GYPC: variants seen among roughly 807,000 people sequenced by gnomAD.
GYPC encodes glycophorin C (Gerbich blood group).
A neutral mutation model predicts 12.6 loss-of-function variants in GYPC; 14 were observed. The ratio of observed to expected loss-of-function variants is 1.11; its 90% CI spans 0.74 to 1.74. The LOEUF (loss-of-function observed/expected upper bound fraction) is 1.74. Ranked by LOEUF, GYPC falls within the 40% of genes most tolerant of loss-of-function variation. The pLI is 0.00. For synonymous variants in GYPC, 78 were observed against 62.1 expected (o/e 1.26, Z -1.20); for missense variants, 225 against 172.1 (o/e 1.31, Z -1.72).
intron 1 of GYPC, chr2:126,678,477 T>A (rs1452894033): frequency 6.6e-6 from 1 of 152,198 alleles, no homozygotes; most frequent in Non-Finnish European, 1.5e-5. Context: ...TGCCTCTGGC[T>A]CATACAGAGC....
At position 126,656,172 on chromosome 2, in the gene GYPC, G is replaced by C; in HGVS notation, c.-92G>C. 6.6e-7 allele frequency: 1 copy of C among 1,511,078 alleles called. No homozygotes were observed. Among genetic ancestry groups the C allele is most frequent in the Non-Finnish European group, 8.9e-7 (1 of 1,128,134 alleles). The allele number at this position is 1,511,078 out of a possible 1,614,324, so 93.6% of individuals were successfully genotyped here. On this transcript the variant is annotated 5_prime_UTR_variant, in exon 1 of 4. Transcript: ENST00000259254. Reference sequence around the variant, plus strand: ...AGGTGCCGCTTCCTCTCGCCGCCGAGGGTCAGGAGCCCGGGAGCGCGACCC... The same window carrying C: ...AGGTGCCGCTTCCTCTCGCCGCCGACGGTCAGGAGCCCGGGAGCGCGACCC...
chr2:126,678,083 C>T (rs1405634291), intron 1 of GYPC, among the ~76,000 whole-genome samples: 5 of 151,976 alleles, frequency 3.3e-5, no homozygotes, highest in African/African-American at 1.2e-4. Flanking sequence ...TTAGCCGGCC[C>T]TGGTGGCACG....
intron 1 of GYPC, among the ~76,000 whole-genome samples, chr2:126,677,495 G>GTGTT (rs1683032244): frequency 6.7e-6 from 1 of 149,756 alleles, no homozygotes; most frequent in African/African-American, 2.5e-5. Flanking sequence ...GAGTCTGAGT[G>GTGTT]TGTGTATGAG....
intron 1 of GYPC, among the ~76,000 whole-genome samples, chr2:126,663,563 G>T (rs1357888681): frequency 6.6e-6 from 1 of 152,220 alleles, no homozygotes; most frequent in Non-Finnish European, 1.5e-5. Context: ...GTTCTCCATG[G>T]AGAAGAGTAG....
At chr2:126,691,265 C>T (rs1432562902) in intron 2 of GYPC, among the ~76,000 whole-genome samples, 6 of 152,294 alleles carry the variant, frequency 3.9e-5, no homozygotes, top group East Asian at 1.9e-4. Context: ...AAACTCAAAA[C>T]ACCCCCACCC....
chr2:126,682,727 A>G (rs561250090), intron 1 of GYPC, among the ~76,000 whole-genome samples: 1 of 152,328 alleles, frequency 6.6e-6, no homozygotes, highest in South Asian at 2.1e-4. Flanking sequence ...GCTTCCAGGA[A>G]GAACACATTG....
chr2:126,695,487 A>C (rs1683613295), intron 3 of GYPC, among the ~76,000 whole-genome samples: 1 of 152,208 alleles, frequency 6.6e-6, no homozygotes, highest in Admixed American at 6.5e-5. Context: ...TGGTGTTGGT[A>C]CAGTTGTCTC....
chr2:126,695,443 G>A (rs1319278011), intron 3 of GYPC, among the ~76,000 whole-genome samples: 1 of 152,166 alleles, frequency 6.6e-6, no homozygotes, highest in African/African-American at 2.4e-5. Flanking sequence ...ACAACAGGTT[G>A]GTGAAGCATG....
At chr2:126,686,769 G>C in intron 1 of GYPC, 1 of 861,950 alleles carries the variant, frequency 1.2e-6, no homozygotes, top group Non-Finnish European at 1.4e-6. Context: ...CGTTGTGCTG[G>C]GTAATTGTCT....
intron 1 of GYPC, among the ~76,000 whole-genome samples, chr2:126,668,478 T>C (rs1166394391): frequency 2.0e-5 from 3 of 152,144 alleles, no homozygotes. Flanking sequence ...ATAGCAGACG[T>C]CTCTACCCCA....
chr2:126,684,805 T>C (rs1683240868), intron 1 of GYPC, among the ~76,000 whole-genome samples: 1 of 152,130 alleles, frequency 6.6e-6, no homozygotes, highest in Non-Finnish European at 1.5e-5. Context: ...AGTCTCACAG[T>C]TGTGTCTCCA....
chr2:126,663,971 TCTCTCTCTC>T (rs1682613163), intron 1 of GYPC, among the ~76,000 whole-genome samples: 1 of 68,080 alleles, frequency 1.5e-5, no homozygotes, highest in Admixed American at 2.1e-4. Flanking sequence ...TCTCTCTCTC[TCTCTCTCTC>T]TCTCTCTCTC....
chr2:126,680,488 G>A (rs1006824334), intron 1 of GYPC: 1 of 152,230 alleles, frequency 6.6e-6, no homozygotes, highest in Non-Finnish European at 1.5e-5. Context: ...CCCCTGAGAG[G>A]ACAGCTGAGT....
chr2:126,677,521 G>GTGTGTGTGTGAGTC (rs1359527599), intron 1 of GYPC, among the ~76,000 whole-genome samples: 3 of 81,080 alleles, frequency 3.7e-5, no homozygotes, highest in African/African-American at 1.3e-4. Flanking sequence ...GTGTGAGTCT[G>GTGTGTGTGTGAGTC]TGTGTGTGTG....
intron 2 of GYPC, 118 bp downstream of exon 2, chr2:126,690,429 A>T (rs1483529156): frequency 2.5e-6 from 2 of 794,482 alleles, no homozygotes. Flanking sequence ...CATCCAGGGG[A>T]GAACTGACCT....
intron 1 of GYPC, among the ~76,000 whole-genome samples, chr2:126,663,418 C>T (rs528316986): frequency 4.5e-4 from 68 of 152,306 alleles, no homozygotes; most frequent in African/African-American, 1.4e-3. Context: ...TGGCCACGCA[C>T]GCCAGCTGTG....
At chr2:126,656,754 C>T (rs555540031) in intron 1 of GYPC, among the ~76,000 whole-genome samples, 3 of 152,374 alleles carry the variant, frequency 2.0e-5, no homozygotes, top group African/African-American at 4.8e-5. Flanking sequence ...CAACTCCAGC[C>T]TTGCCCAGGG....
rs949572838 is a variant in GYPC, at chr2:126,660,290, C to A, written c.49+3978C>A. 6.2e-4 allele frequency among the ~76,000 whole-genome samples: 94 copies of A among 152,234 alleles called. 1 individual carries two copies. The highest frequency in any genetic ancestry group is 2.1e-3 in the African/African-American group (89 of 41,466). On this transcript the variant is annotated intron_variant, in intron 1 of 3. Transcript: ENST00000259254. ...CCATGCTGTGCTTTCTGTGGTCAGG[C>A]CTGGCATGCTCTGGGCTGCTGCTGC...
chr2:126,689,966 T>G (rs571118859), intron 1 of GYPC, among the ~76,000 whole-genome samples: 3 of 152,204 alleles, frequency 2.0e-5, no homozygotes, highest in African/African-American at 7.2e-5. Flanking sequence ...ATCTACCACA[T>G]GCAGGCACCA....
Sources: allele counts gnomAD v4.1 joint callset (sites outside exome capture counted in the v4.1 genomes callset), GRCh38; gene constraint gnomAD v4.1.1; transcripts MANE v1.5; gene names NCBI Gene and HGNC (gene_info 2026-07-23, HGNC 2026-07-21).